The following KCNIP4 variants were observed in gnomAD, a reference collection of about 807,000 sequenced individuals.
The protein encoded by KCNIP4 is Kv channel-interacting protein 4.
KCNIP4 carries 12 observed loss-of-function variants against 34.0 expected under a neutral mutation model. That is an observed-to-expected ratio of 0.35 (90% CI 0.23 to 0.57). The LOEUF (loss-of-function observed/expected upper bound fraction) is 0.57. Ranked by LOEUF, KCNIP4 falls within the 20% of genes least tolerant of loss-of-function variation. The probability of loss-of-function intolerance (pLI) is 0.83; values close to 1 mark genes in which losing one functional copy is unlikely to be tolerated. For missense variants in KCNIP4, 238 were observed against 311.7 expected, an observed-to-expected ratio of 0.76 and a Z score of 1.78; for synonymous variants, 124 against 102.2, an observed-to-expected ratio of 1.21 and a Z score of -1.29.
chr4:21,723,050 T>C (rs894732782), intron 1 of KCNIP4, among the ~76,000 whole-genome samples: 3 of 152,126 alleles, frequency 2.0e-5, no homozygotes, highest in Non-Finnish European at 2.9e-5. Context: ...TTTACATATA[T>C]TTCTACAGAA....
chr4:21,777,615 TAAAG>T (rs1719268677), intron 1 of KCNIP4, among the ~76,000 whole-genome samples: 1 of 152,116 alleles, frequency 6.6e-6, no homozygotes, highest in Non-Finnish European at 1.5e-5. Context: ...GAATTACATA[TAAAG>T]AGAGAGGGTC....
At chr4:21,171,929 T>A (rs2109299140) in intron 1 of KCNIP4, among the ~76,000 whole-genome samples, 1 of 152,328 alleles carries the variant, frequency 6.6e-6, no homozygotes, top group Non-Finnish European at 1.5e-5. Context: ...ACTCTGATCA[T>A]TGAATCGATA....
At chr4:20,748,880 GTATGTGTGTGTGTGTATATA>G (rs1214925643) in intron 5 of KCNIP4, among the ~76,000 whole-genome samples, 2 of 97,958 alleles carry the variant, frequency 2.0e-5, no homozygotes, top group Non-Finnish European at 4.4e-5. Flanking sequence ...GTGTGTGTGT[GTATGTGTGTGTGTGTATATA>G]TATATATATA....
chr4:21,759,582 C>G (rs1056448746), intron 1 of KCNIP4, among the ~76,000 whole-genome samples: 1 of 152,014 alleles, frequency 6.6e-6, no homozygotes, highest in African/African-American at 2.4e-5. Flanking sequence ...TTTAACTGAC[C>G]CTGAATATGT....
At chr4:20,859,888 T>G (rs1722009868) in intron 2 of KCNIP4, among the ~76,000 whole-genome samples, 1 of 152,124 alleles carries the variant, frequency 6.6e-6, no homozygotes, top group Non-Finnish European at 1.5e-5. Context: ...TGAAGAATAA[T>G]GTCACTTTTT....
chr4:21,816,394 A>C lies in KCNIP4; in HGVS notation c.61+132177T>G, dbSNP rs528905068. 1.2e-4 allele frequency among the ~76,000 whole-genome samples: 19 copies of C among 152,312 alleles called. No individual in the cohort carries two copies. The South Asian group carries it at 3.9e-3, about 32-fold the overall frequency. On this transcript the variant is annotated intron_variant, in intron 1 of 8. Transcript: ENST00000382152. ...CTTTGTAAGGGAGACACTTAAAAAG[A>C]AGAGGAAAGGTGAGGACCTAAAAAA...
chr4:21,873,408 C>A (rs538672069), intron 1 of KCNIP4, among the ~76,000 whole-genome samples: 5 of 152,148 alleles, frequency 3.3e-5, no homozygotes, highest in African/African-American at 1.2e-4. Context: ...CCTAGATAGA[C>A]CTGAAAATCT....
chr4:21,489,853 C>T (rs75813864), intron 1 of KCNIP4, among the ~76,000 whole-genome samples: 7,483 of 152,022 alleles, frequency 0.049, 459 homozygotes, highest in East Asian at 0.14. Flanking sequence ...TGAGATTTGA[C>T]ACATTCTTCC....
At chr4:21,900,780 G>A (rs1448354013) in intron 1 of KCNIP4, among the ~76,000 whole-genome samples, 1 of 151,936 alleles carries the variant, frequency 6.6e-6, no homozygotes, top group Non-Finnish European at 1.5e-5. Context: ...ATTTCTATTT[G>A]ATGTGTTCTC....
chr4:21,103,828 T>G (rs931845550), intron 1 of KCNIP4, among the ~76,000 whole-genome samples: 3 of 146,084 alleles, frequency 2.1e-5, no homozygotes, highest in African/African-American at 7.6e-5. Flanking sequence ...AGTGAGAACA[T>G]GCGGTGTTTG....
chr4:20,879,323 A>G (rs1243116115), intron 2 of KCNIP4, among the ~76,000 whole-genome samples: 4 of 152,088 alleles, frequency 2.6e-5, no homozygotes, highest in Non-Finnish European at 5.9e-5. Context: ...TCAACTACCA[A>G]TCAGGTAGCT....
At chr4:20,971,817 T>A (rs2149678019) in intron 1 of KCNIP4, among the ~76,000 whole-genome samples, 1 of 152,346 alleles carries the variant, frequency 6.6e-6, no homozygotes. Context: ...CTCTTTAGCA[T>A]ATGATGCTGT....
At chr4:21,668,720 T>G (rs1749226710) in intron 1 of KCNIP4, among the ~76,000 whole-genome samples, 1 of 152,224 alleles carries the variant, frequency 6.6e-6, no homozygotes, top group Non-Finnish European at 1.5e-5. Flanking sequence ...TTTATCAACC[T>G]TAACATTTTA....
chr4:21,341,991 T>C (rs1288554927), intron 1 of KCNIP4, among the ~76,000 whole-genome samples: 1 of 152,158 alleles, frequency 6.6e-6, no homozygotes, highest in African/African-American at 2.4e-5. Flanking sequence ...TTCTTTGTGC[T>C]TGTGTCCCCT....
intron 3 of KCNIP4, among the ~76,000 whole-genome samples, chr4:20,822,194 A>G (rs963584853): frequency 1.3e-5 from 2 of 152,218 alleles, no homozygotes; most frequent in Admixed American, 6.5e-5. Context: ...TCCAGAATCT[A>G]CAAGAAACTC....
At chr4:21,268,541 C>T (rs1761955375) in intron 1 of KCNIP4, among the ~76,000 whole-genome samples, 1 of 152,178 alleles carries the variant, frequency 6.6e-6, no homozygotes, top group Admixed American at 6.5e-5. Flanking sequence ...GAGTTCTAAA[C>T]TAATGAGTCT....
At chr4:20,747,082 AT>A (rs1251333533) in intron 5 of KCNIP4, among the ~76,000 whole-genome samples, 1 of 152,244 alleles carries the variant, frequency 6.6e-6, no homozygotes, top group African/African-American at 2.4e-5. Flanking sequence ...CATGCATATC[AT>A]ATATAATCAT....
chr4:20,767,498 T>G (rs981652956), intron 3 of KCNIP4: 1 of 152,194 alleles, frequency 6.6e-6, no homozygotes, highest in African/African-American at 2.4e-5. Flanking sequence ...AGGAAATTGC[T>G]AAGAAACATA....
chr4:21,422,378 TTTA>T (rs1248298328), intron 1 of KCNIP4, among the ~76,000 whole-genome samples: 3 of 152,002 alleles, frequency 2.0e-5, no homozygotes, highest in Non-Finnish European at 2.9e-5. Context: ...TTTTTGTGTT[TTTA>T]GTAGAGATGG....
Sources: gnomAD v4.1 joint callset for allele counts (sites outside exome capture counted in the v4.1 genomes callset) on GRCh38, gnomAD v4.1.1 for gene constraint, MANE v1.5 for transcripts, NCBI Gene and HGNC (gene_info 2026-07-23, HGNC 2026-07-21) for gene names.